The following KAZN variants were observed in gnomAD, a reference collection of about 807,000 sequenced individuals.
The protein encoded by KAZN is kazrin, periplakin interacting protein, also known as kazrin.
KAZN carries 40 observed loss-of-function variants against 87.4 expected under a neutral mutation model. The ratio of observed to expected loss-of-function variants is 0.46; its 90% CI spans 0.36 to 0.60. The LOEUF (loss-of-function observed/expected upper bound fraction) is 0.60. Ranked by LOEUF, KAZN falls within the 20% of genes least tolerant of loss-of-function variation. The pLI is 0.00. For synonymous variants in KAZN, 466 were observed against 458.3 expected (o/e 1.02, Z -0.22); for missense variants, 898 against 1,073.9 (o/e 0.84, Z 2.29).
intron 1 of KAZN, among the ~76,000 whole-genome samples, chr1:14,703,900 TAAAAA>T (rs1373848345): frequency 6.6e-6 from 1 of 151,710 alleles, no homozygotes; most frequent in African/African-American, 2.4e-5. Context: ...AAATGAAAAA[TAAAAA>T]AGAATAGATT....
chr1:14,988,007 C>T (rs958035560), intron 2 of KAZN, among the ~76,000 whole-genome samples: 1 of 152,178 alleles, frequency 6.6e-6, no homozygotes, highest in African/African-American at 2.4e-5. Flanking sequence ...CAGCTCTGGC[C>T]TGAGGGTACT....
At chr1:13,932,462 G>A (rs1640561403) in intron 1 of KAZN, among the ~76,000 whole-genome samples, 1 of 151,918 alleles carries the variant, frequency 6.6e-6, no homozygotes, top group African/African-American at 2.4e-5. Context: ...GGGTTTCACC[G>A]TTTTAGCCGG....
intron 2 of KAZN, among the ~76,000 whole-genome samples, chr1:14,575,205 GAT>G (rs1675104985): frequency 6.6e-6 from 1 of 152,050 alleles, no homozygotes; most frequent in African/African-American, 2.4e-5. Context: ...GGGGGAAGGA[GAT>G]AAGAGTGGGG....
chr1:14,074,665 C>T (rs1643378788), intron 1 of KAZN, among the ~76,000 whole-genome samples: 1 of 152,158 alleles, frequency 6.6e-6, no homozygotes, highest in African/African-American at 2.4e-5. Flanking sequence ...CCCTCTAGCC[C>T]AGGTCTAAGG....
At chr1:14,245,182 C>T (rs1649380363) in intron 2 of KAZN, among the ~76,000 whole-genome samples, 1 of 151,982 alleles carries the variant, frequency 6.6e-6, no homozygotes, top group Non-Finnish European at 1.5e-5. Flanking sequence ...CCAGGCTGGT[C>T]TTGAACTCCG....
chr1:14,245,115 C>A (rs545537957), intron 2 of KAZN, among the ~76,000 whole-genome samples: 1 of 152,006 alleles, frequency 6.6e-6, no homozygotes, highest in Non-Finnish European at 1.5e-5. Flanking sequence ...TGCCCACCAC[C>A]ACGCCTGGCT....
At chr1:14,608,813 C>T (rs1677580982) in intron 1 of KAZN, among the ~76,000 whole-genome samples, 1 of 152,210 alleles carries the variant, frequency 6.6e-6, no homozygotes, top group African/African-American at 2.4e-5. Flanking sequence ...TCAGCGGCAA[C>T]AAATGAATTC....
At chr1:15,106,840 C>T (rs989661295) in intron 13 of KAZN, among the ~76,000 whole-genome samples, 1 of 152,146 alleles carries the variant, frequency 6.6e-6, no homozygotes, top group Non-Finnish European at 1.5e-5. Context: ...AACCTTGGTC[C>T]GGCGCCAACA....
At chr1:14,944,860 G>A (rs1336211075) in intron 1 of KAZN, among the ~76,000 whole-genome samples, 3 of 152,338 alleles carry the variant, frequency 2.0e-5, no homozygotes, top group South Asian at 2.1e-4. Flanking sequence ...TGCGGATGGC[G>A]GCACCATCCT....
intron 2 of KAZN, among the ~76,000 whole-genome samples, chr1:14,988,513 G>T (rs1278531542): frequency 6.6e-6 from 1 of 152,224 alleles, no homozygotes; most frequent in African/African-American, 2.4e-5. Flanking sequence ...GAGGGTGATG[G>T]CGTGCTGCCC....
intron 1 of KAZN, among the ~76,000 whole-genome samples, chr1:14,895,922 T>C (rs1475814228): frequency 6.6e-6 from 1 of 152,162 alleles, no homozygotes; most frequent in African/African-American, 2.4e-5. Flanking sequence ...TCAGGAGGGC[T>C]TCTCAGAGGA....
At chr1:14,479,484 C>A (rs927744425) in intron 2 of KAZN, among the ~76,000 whole-genome samples, 4 of 152,200 alleles carry the variant, frequency 2.6e-5, no homozygotes, top group African/African-American at 4.8e-5. Flanking sequence ...CCGCTCCCTG[C>A]TAGTGGTTTG....
chr1:14,746,787 G>A (rs966603978), intron 1 of KAZN, among the ~76,000 whole-genome samples: 11 of 152,146 alleles, frequency 7.2e-5, no homozygotes, highest in South Asian at 2.1e-4. Flanking sequence ...CAAAGTAGTC[G>A]TCTAGAGATG....
chr1:14,149,680 G>A (rs1441861567), intron 1 of KAZN, among the ~76,000 whole-genome samples: 1 of 152,168 alleles, frequency 6.6e-6, no homozygotes, highest in Non-Finnish European at 1.5e-5. Context: ...TGTGGTGACT[G>A]TGGGTTTATG....
chr1:14,534,914 T>C (rs1416853929), intron 2 of KAZN, among the ~76,000 whole-genome samples: 2 of 152,142 alleles, frequency 1.3e-5, no homozygotes, highest in African/African-American at 4.8e-5. Flanking sequence ...CTCACTCTCC[T>C]AAGCTCCACT....
At chr1:14,780,719 T>C (rs925660464) in intron 1 of KAZN, among the ~76,000 whole-genome samples, 1 of 152,196 alleles carries the variant, frequency 6.6e-6, no homozygotes, top group African/African-American at 2.4e-5. Flanking sequence ...GCATGGCACC[T>C]GGAATACCAT....
At chr1:14,346,256 G>A (rs978450842) in intron 2 of KAZN, among the ~76,000 whole-genome samples, 3 of 152,320 alleles carry the variant, frequency 2.0e-5, no homozygotes, top group East Asian at 3.9e-4. Flanking sequence ...GCCCCAGGAA[G>A]AAGAAGAAAA....
At chr1:14,040,113 G>C (rs1444778392) in intron 1 of KAZN, among the ~76,000 whole-genome samples, 26 of 151,808 alleles carry the variant, frequency 1.7e-4, no homozygotes, top group Admixed American at 3.9e-4. Flanking sequence ...GACAGAGAGA[G>C]AGAGGTTTTT....
At chr1:14,116,812 G>T (rs1471173131) in intron 1 of KAZN, among the ~76,000 whole-genome samples, 1 of 152,238 alleles carries the variant, frequency 6.6e-6, no homozygotes, top group Non-Finnish European at 1.5e-5. Context: ...AGCAACAGGG[G>T]TGGAGCTGCC....
Sources: allele counts gnomAD v4.1 joint callset (sites outside exome capture counted in the v4.1 genomes callset), GRCh38; gene constraint gnomAD v4.1.1; transcripts MANE v1.5; gene names NCBI Gene and HGNC (gene_info 2026-07-23, HGNC 2026-07-21).